Variants in CNTN5 observed in about 807,000 individuals in gnomAD.
CNTN5 encodes the protein contactin-5.
In CNTN5, 77 loss-of-function variants were observed where a neutral mutation model predicts 129.1. The observed-to-expected ratio is 0.60, with a 90% CI of 0.50 to 0.72. The LOEUF (loss-of-function observed/expected upper bound fraction) is 0.72, where lower values mean the gene tolerates loss of function less well. Among genes scored for constraint, CNTN5 ranks in the 30% least tolerant of loss-of-function variants. The probability of loss-of-function intolerance (pLI) is 0.00; values close to 1 mark genes in which losing one functional copy is unlikely to be tolerated. For missense variants in CNTN5, 1,478 were observed against 1,328.8 expected, an observed-to-expected ratio of 1.11 and a Z score of -1.75; for synonymous variants, 509 against 465.6, an observed-to-expected ratio of 1.09 and a Z score of -1.20.
chr11:99,247,470 T>TATTATC (rs1184024116), intron 1 of CNTN5, among the ~76,000 whole-genome samples: 1 of 151,794 alleles, frequency 6.6e-6, no homozygotes, highest in Non-Finnish European at 1.5e-5. Flanking sequence ...TTATTATTAT[T>TATTATC]ATTATTATAC....
chr11:99,835,867 A>G (rs953526091), intron 4 of CNTN5, among the ~76,000 whole-genome samples: 1 of 152,200 alleles, frequency 6.6e-6, no homozygotes, highest in Non-Finnish European at 1.5e-5. Context: ...GAACTAGAGA[A>G]GATGGTTTAT....
intron 13 of CNTN5, among the ~76,000 whole-genome samples, chr11:100,180,727 A>G (rs1948113099): frequency 6.6e-6 from 1 of 151,952 alleles, no homozygotes; most frequent in Non-Finnish European, 1.5e-5. Flanking sequence ...CAAATCACGT[A>G]CCCAACAAAG....
chr11:100,258,468 C>G (rs1226922367), intron 17 of CNTN5, among the ~76,000 whole-genome samples: 4 of 152,070 alleles, frequency 2.6e-5, no homozygotes, highest in Non-Finnish European at 5.9e-5. Flanking sequence ...AGAAGAGAAA[C>G]CCCAAGACAC....
chr11:99,873,902 T>C (rs1465476988), intron 6 of CNTN5, among the ~76,000 whole-genome samples: 1 of 152,128 alleles, frequency 6.6e-6, no homozygotes, highest in African/African-American at 2.4e-5. Flanking sequence ...TGATATCATA[T>C]CCTTTGCAGC....
In CNTN5 at chr11:99,525,945, A is replaced by T. The variant is rs553786891; in HGVS notation, c.-70-30200A>T. Among the ~76,000 whole-genome samples, 24 of 152,360 alleles carry T rather than the reference A, an allele frequency of 1.6e-4. No homozygotes were observed. In the South Asian group the frequency reaches 5.0e-3, roughly 32 times the overall value. On this transcript the variant is annotated intron_variant, in intron 2 of 24. Transcript: ENST00000524871. ...GAGATAAATTAAAAAATAAAGGTTT[A>T]TTTTAGTTACATCAAAGCAGTTCTA...
intron 6 of CNTN5, among the ~76,000 whole-genome samples, chr11:99,878,491 A>AT (rs1233588469): frequency 6.6e-6 from 1 of 152,228 alleles, no homozygotes; most frequent in Non-Finnish European, 1.5e-5. Context: ...TGTAAAAAAA[A>AT]CTACAGGTAA....
At chr11:99,253,897 T>TTATATATA (rs67720359) in intron 1 of CNTN5, among the ~76,000 whole-genome samples, 1,433 of 139,002 alleles carry the variant, frequency 0.01, 7 homozygotes, top group East Asian at 0.021. Context: ...AAATATACGT[T>TTATATATA]TATATATATA....
At position 99,556,223 on chromosome 11, in the gene CNTN5, C is replaced by A; in HGVS notation, c.9C>A (p.Ser3=). MA[S]SWKLMLFLSV... is the part of the protein sequence containing the mutation. Reference sequence around the variant, plus strand: ...GATTCTAGTGACTGAGGATGGCTTCCTCTTGGAAACTAATGCTGTTTCTGT... The same window carrying A: ...GATTCTAGTGACTGAGGATGGCTTCATCTTGGAAACTAATGCTGTTTCTGT... Residue 3 remains serine (S), a synonymous_variant, in exon 3 of 25, where the codon TCC becomes TCA. Transcript: ENST00000524871. The A allele has an allele frequency of 6.6e-7, 1 of 1,513,818 alleles. No homozygotes were observed. Among genetic ancestry groups the A allele is most frequent in the Non-Finnish European group, 8.9e-7 (1 of 1,122,646 alleles). The allele number at this position is 1,513,818 out of a possible 1,614,324, so 93.8% of individuals were successfully genotyped here. A position where few individuals can be genotyped will look rare whatever the true frequency, so the allele number is the denominator to read the frequency against.
At chr11:99,578,042 T>A (rs1256211328) in intron 3 of CNTN5, among the ~76,000 whole-genome samples, 1 of 144,234 alleles carries the variant, frequency 6.9e-6, no homozygotes, top group Admixed American at 7.1e-5. Context: ...TGTGTTCTCA[T>A]TGTTCAATTC....
intron 15 of CNTN5, among the ~76,000 whole-genome samples, chr11:100,223,833 C>A (rs911519888): frequency 5.3e-5 from 8 of 152,048 alleles, no homozygotes; most frequent in Non-Finnish European, 1.0e-4. Context: ...AAATATCAAC[C>A]AGATCTTTAC....
intron 21 of CNTN5, chr11:100,309,780 A>C: frequency 1.2e-6 from 1 of 846,034 alleles, no homozygotes; most frequent in Non-Finnish European, 1.4e-6. Flanking sequence ...TCCCTTCTCT[A>C]TGGAGGAGGG....
chr11:99,938,907 G>GA (rs1950373627), intron 7 of CNTN5, among the ~76,000 whole-genome samples: 1 of 151,998 alleles, frequency 6.6e-6, no homozygotes, highest in Non-Finnish European at 1.5e-5. Context: ...ATTTGCTTTA[G>GA]AAAATCTAAT....
At chr11:100,123,764 C>T (rs938070291) in intron 13 of CNTN5, among the ~76,000 whole-genome samples, 33 of 151,574 alleles carry the variant, frequency 2.2e-4, no homozygotes, top group Admixed American at 5.3e-4. Context: ...TAAATGGGTT[C>T]GGTGGATTAT....
At chr11:100,155,937 T>A (rs892646341) in intron 13 of CNTN5, among the ~76,000 whole-genome samples, 3 of 152,072 alleles carry the variant, frequency 2.0e-5, no homozygotes, top group African/African-American at 7.2e-5. Flanking sequence ...ATATATAATC[T>A]TGTCATCTGC....
At chr11:99,421,322 T>G (rs983891146) in intron 2 of CNTN5, among the ~76,000 whole-genome samples, 2 of 152,240 alleles carry the variant, frequency 1.3e-5, no homozygotes, top group Admixed American at 1.3e-4. Flanking sequence ...TGAAGAATTT[T>G]GACAATAATT....
chr11:99,872,954 C>G (rs1289246696), intron 6 of CNTN5, among the ~76,000 whole-genome samples: 2 of 152,074 alleles, frequency 1.3e-5, no homozygotes, highest in Non-Finnish European at 2.9e-5. Flanking sequence ...GTGGCTGAGA[C>G]TAATAACATA....
chr11:99,182,717 G>A (rs1252734085), intron 1 of CNTN5, among the ~76,000 whole-genome samples: 11 of 152,038 alleles, frequency 7.2e-5, no homozygotes, highest in Non-Finnish European at 1.6e-4. Context: ...ACGTACTCGG[G>A]CTCCTTTATT....
chr11:99,855,860 T>A (rs1948017203), intron 6 of CNTN5, among the ~76,000 whole-genome samples: 1 of 152,224 alleles, frequency 6.6e-6, no homozygotes, highest in Admixed American at 6.5e-5. Context: ...AGAAATATTT[T>A]CTTCATTCTT....
At chr11:99,497,160 G>C (rs544531997) in intron 2 of CNTN5, among the ~76,000 whole-genome samples, 238 of 152,304 alleles carry the variant, frequency 1.6e-3, no homozygotes, top group African/African-American at 5.6e-3. Flanking sequence ...CCAATAATTA[G>C]AGACCCAAAA....
Sources: gnomAD v4.1 joint callset for allele counts (sites outside exome capture counted in the v4.1 genomes callset) on GRCh38, gnomAD v4.1.1 for gene constraint, MANE v1.5 for transcripts, NCBI Gene and HGNC (gene_info 2026-07-23, HGNC 2026-07-21) for gene names.